TTLL1: variants seen among roughly 807,000 people sequenced by gnomAD.
The protein encoded by TTLL1 is polyglutamylase complex subunit TTLL1.
Under a neutral mutation model 47.8 loss-of-function variants are expected in TTLL1, and 33 were observed. That is an observed-to-expected ratio of 0.69 (90% CI 0.52 to 0.92). The LOEUF is 0.92. Ranked by LOEUF, TTLL1 falls within the 40% of genes least tolerant of loss-of-function variation. The pLI is 0.00. For synonymous variants in TTLL1, 225 were observed against 214.1 expected, an observed-to-expected ratio of 1.05 and a Z score of -0.45; for missense variants, 488 against 547.5, an observed-to-expected ratio of 0.89 and a Z score of 1.08.
chr22:43,070,232 G>A lies in TTLL1; in HGVS notation c.114-388C>T, dbSNP rs1928025468. ...CAGGATCTGTACCGAAATTCAGGAA[G>A]GTCAAGGAGCCTTTAAAAACAAAAT... On this transcript the variant is annotated intron_variant, in intron 3 of 10. Transcript: ENST00000266254. 6.1e-6 allele frequency: 8 copies of A among 1,321,138 alleles called. No individual in the cohort carries two copies. In the South Asian group the frequency reaches 9.9e-5, roughly 16 times the overall value. The allele number at this position is 1,321,138 out of a possible 1,614,324, so 81.8% of individuals were successfully genotyped here.
intron 7 of TTLL1, among the ~76,000 whole-genome samples, chr22:43,063,111 T>A (rs1002521774): frequency 2.0e-5 from 3 of 152,210 alleles, no homozygotes; most frequent in Non-Finnish European, 4.4e-5. Context: ...TGAGGCAGGG[T>A]ACCTCAGGGA....
intron 1 of TTLL1, among the ~76,000 whole-genome samples, chr22:43,087,762 C>T (rs1047895443): frequency 1.5e-4 from 22 of 142,554 alleles, no homozygotes; most frequent in African/African-American, 5.6e-4. Context: ...TGCTTGAACC[C>T]GGGAGGCAGA....
intron 8 of TTLL1, among the ~76,000 whole-genome samples, chr22:43,053,612 C>T (rs796086833): frequency 1.4e-4 from 22 of 152,318 alleles, no homozygotes; most frequent in South Asian, 4.1e-4. Context: ...AGCCACCTCC[C>T]GTCCTGCACC....
At position 43,039,852 on chromosome 22, in the gene TTLL1, C is replaced by G. The variant is rs377212186; in HGVS notation, c.1196G>C (p.Arg399Pro). The change falls in exon 11 of 11, where the codon CGT becomes CCT. Residue 399 changes from arginine (R) to proline (P), a missense_variant. Arg to Pro is a moderately radical substitution (Grantham distance 103). Coordinates refer to ENST00000266254, the MANE Select transcript of TTLL1 (RefSeq NM_012263.5). Reference sequence around the variant, plus strand: ...TCTGGGCCCCAGAGACTGACCCTGACGGCTTCTCAGCTCCCGGTCAGCCCC... The same window carrying G: ...TCTGGGCCCCAGAGACTGACCCTGAGGGCTTCTCAGCTCCCGGTCAGCCCC... ...GDGADRELRS[R>P]QGQSLGPRAG... 1 of 1,613,882 alleles carries G rather than the reference C, an allele frequency of 6.2e-7. No individual in the cohort carries two copies. Among genetic ancestry groups the G allele is most frequent in the Admixed American group, 1.7e-5 (1 of 59,996 alleles).
Position 43,039,785 on chromosome 22 carries a change from G to A in TTLL1, c.1263C>T (p.Thr421=). The A allele has an allele frequency of 6.2e-7, 1 of 1,611,456 alleles. No homozygotes were observed. Among genetic ancestry groups the A allele is most frequent in the Non-Finnish European group, 8.5e-7 (1 of 1,178,242 alleles). ...AAGGTCCAGGTGGGACTCACTTCCA[G>A]GTGGTGAGGACCGCTCTCCCCGAGT... is the stretch of plus-strand genomic sequence containing the variant. ...SRDSGRAVLT[T]WK Residue 421 remains threonine (T), a synonymous_variant, in exon 11 of 11, where the codon ACC becomes ACT. Transcript: ENST00000266254.
chr22:43,069,638 A>G lies in TTLL1; in HGVS notation c.320T>C (p.Leu107Pro), dbSNP rs1205450445. The change falls in exon 4 of 11, where the codon CTG (leucine) becomes CCG (proline). Residue 107 changes from leucine to proline, a missense_variant and splice_region_variant. Leu to Pro is a moderately conservative substitution (Grantham distance 98, BLOSUM62 -3). Transcript: ENST00000266254. ...EKDENGKYLY[L>P]DFVPVTYMLP... The stretch of plus-strand genomic sequence containing the variant: ...GAGCCGGTGGAAGACGCACAAACCC[A>G]GATAGAGGTATTTTCCATTTTCATC... The G allele has an allele frequency of 6.2e-7, 1 of 1,614,048 alleles. No homozygotes were observed. Among genetic ancestry groups the G allele is most frequent in the African/African-American group, 1.3e-5 (1 of 74,924 alleles).
At chr22:43,064,430 A>C in intron 5 of TTLL1, 106 bp from the exon 6 acceptor site, 1 of 1,380,688 alleles carries the variant, frequency 7.2e-7, no homozygotes, top group Non-Finnish European at 9.7e-7. Flanking sequence ...AAAATTAAAA[A>C]ATTAAAGAGT....
chr22:43,070,046 G>C (rs878892699), intron 3 of TTLL1: 1 of 1,184,752 alleles, frequency 8.4e-7, no homozygotes, highest in African/African-American at 1.5e-5. Flanking sequence ...AGTGGTGTGA[G>C]GGCCAGGAGC....
intron 8 of TTLL1, among the ~76,000 whole-genome samples, chr22:43,058,657 G>A (rs1158192709): frequency 6.6e-6 from 1 of 152,158 alleles, no homozygotes; most frequent in Non-Finnish European, 1.5e-5. Flanking sequence ...TCTGGCAGAT[G>A]TGCAGGCGGC....
chr22:43,049,736 C>G (rs1187886568), intron 9 of TTLL1, among the ~76,000 whole-genome samples: 1 of 150,810 alleles, frequency 6.6e-6, no homozygotes, highest in Non-Finnish European at 1.5e-5. Flanking sequence ...ACCACTGCCT[C>G]CAGCCTAGGC....
intron 8 of TTLL1, among the ~76,000 whole-genome samples, chr22:43,054,631 C>T (rs769428868): frequency 1.2e-4 from 18 of 151,900 alleles, no homozygotes; most frequent in Admixed American, 2.6e-4. Context: ...ACCATGTTGG[C>T]CAGGCTGGTC....
In TTLL1 at chr22:43,052,086, A is replaced by C. The variant is rs1926674621; in HGVS notation, c.892-199T>G. 8.5e-6 allele frequency: 5 copies of C among 585,922 alleles called. No individual in the cohort carries two copies. The South Asian group carries it at 9.3e-5, about 11-fold the overall frequency. 36.3% of individuals were successfully genotyped at this position (585,922 alleles called of 1,614,324 possible). ...GAGATTGGGCACTTTCCTCAGCCTG[A>C]TAGAGGGAATTGATGAAGCCGTAAT... is the stretch of plus-strand genomic sequence containing the variant. On this transcript the variant is annotated intron_variant, in intron 8 of 10. Coordinates refer to ENST00000266254, the MANE Select transcript of TTLL1 (RefSeq NM_012263.5).
At chr22:43,062,050 G>A (rs1454568797) in intron 7 of TTLL1, among the ~76,000 whole-genome samples, 3 of 152,184 alleles carry the variant, frequency 2.0e-5, no homozygotes, top group Non-Finnish European at 4.4e-5. Flanking sequence ...GGATCTGTGA[G>A]AGTAGGTACT....
At chr22:43,054,302 C>T (rs1053401586) in intron 8 of TTLL1, among the ~76,000 whole-genome samples, 3 of 152,192 alleles carry the variant, frequency 2.0e-5, no homozygotes, top group Non-Finnish European at 4.4e-5. Context: ...TTTTTTCTGT[C>T]GAATCCTCTG....
At chr22:43,085,723 C>T (rs976212975) in intron 1 of TTLL1, among the ~76,000 whole-genome samples, 11 of 152,180 alleles carry the variant, frequency 7.2e-5, no homozygotes, top group South Asian at 2.1e-4. Context: ...AGGAATTCTC[C>T]GCATTTTACA....
chr22:43,045,388 T>G (rs1272427386), intron 10 of TTLL1, among the ~76,000 whole-genome samples: 1 of 152,044 alleles, frequency 6.6e-6, no homozygotes, highest in South Asian at 2.1e-4. Flanking sequence ...TGTAAAGCAC[T>G]CTGCACAGTT....
chr22:43,053,272 C>T lies in TTLL1; in HGVS notation c.892-1385G>A, dbSNP rs767876624. ...TCACACGATAGAGGGCATCGGACTC[C>T]GCTTCAACGAAACACTTGAAGCTAG... On this transcript the variant is annotated intron_variant, in intron 8 of 10. Coordinates refer to ENST00000266254, the MANE Select transcript of TTLL1 (RefSeq NM_012263.5). Among the ~76,000 whole-genome samples, 59 of 152,204 alleles carry T rather than the reference C, an allele frequency of 3.9e-4. 1 individual carries two copies. The Middle Eastern group carries it at 0.017, about 44-fold the overall frequency.
chr22:43,045,423 A>T (rs1320774559), intron 10 of TTLL1, among the ~76,000 whole-genome samples: 1 of 151,316 alleles, frequency 6.6e-6, no homozygotes, highest in Non-Finnish European at 1.5e-5. Context: ...AGCCCTCGAA[A>T]GTTAGCTATT....
chr22:43,050,086 G>A (rs911476553), intron 9 of TTLL1, among the ~76,000 whole-genome samples: 5 of 151,410 alleles, frequency 3.3e-5, no homozygotes, highest in Non-Finnish European at 5.9e-5. Context: ...GACAGAGTGA[G>A]ACTCCGTCTC....
Sources: allele counts gnomAD v4.1 joint callset (sites outside exome capture counted in the v4.1 genomes callset), GRCh38; gene constraint gnomAD v4.1.1; transcripts MANE v1.5; gene names NCBI Gene and HGNC (gene_info 2026-07-23, HGNC 2026-07-21).